The following ABCC9 variants were observed in gnomAD, a reference collection of about 807,000 sequenced individuals.
ABCC9 encodes the protein ATP-binding cassette sub-family C member 9.
A neutral mutation model predicts 188.3 loss-of-function variants in ABCC9; 95 were observed. That is an observed-to-expected ratio of 0.50 (90% CI 0.43 to 0.60). The LOEUF is 0.60. Among genes scored for constraint, ABCC9 ranks in the 20% least tolerant of loss-of-function variants. The probability of loss-of-function intolerance (pLI) is 0.00; values close to 1 mark genes in which losing one functional copy is unlikely to be tolerated. For synonymous variants in ABCC9, 659 were observed against 652.7 expected, an observed-to-expected ratio of 1.01 and a Z score of -0.15; for missense variants, 1,102 against 1,876.3, an observed-to-expected ratio of 0.59 and a Z score of 7.62.
chr12:21,862,172 A>C (rs1945549547), intron 20 of ABCC9, among the ~76,000 whole-genome samples: 1 of 151,992 alleles, frequency 6.6e-6, no homozygotes, highest in Non-Finnish European at 1.5e-5. Flanking sequence ...CACACACTGC[A>C]TGCCTGGATA....
At position 21,827,044 on chromosome 12, in the gene ABCC9, T is replaced by C. The variant is rs949089297; in HGVS notation, c.3669+1914A>G. On this transcript the variant is annotated intron_variant, in intron 31 of 39. Coordinates refer to ENST00000261200, the MANE Select transcript of ABCC9 (RefSeq NM_020297.4). ...CTGTTTCAGGTGTCAGTATTTTGTT[T>C]TTTGCAGGTGGAATTCAAGATACAG... is the stretch of plus-strand genomic sequence containing the variant. 3.3e-6 allele frequency: 3 copies of C among 919,884 alleles called. No homozygotes were observed. The African/African-American group carries it at 5.4e-5, about 16-fold the overall frequency. 57.0% of individuals were successfully genotyped at this position (919,884 alleles called of 1,614,324 possible). A position where few individuals can be genotyped will look rare whatever the true frequency, so the allele number is the denominator to read the frequency against.
In ABCC9 at chr12:21,806,080, T is replaced by C; in HGVS notation, c.4450-20A>G. The C allele has an allele frequency of 6.3e-7, 1 of 1,591,870 alleles. No homozygotes were observed. Among genetic ancestry groups the C allele is most frequent in the Non-Finnish European group, 8.6e-7 (1 of 1,161,318 alleles). On this transcript the variant is annotated intron_variant, in intron 38 of 39. Transcript: ENST00000261200. The stretch of plus-strand genomic sequence containing the variant: ...ATTCTCCTGCAAAAAAAAAAAAGTG[T>C]AAATTTTCTCGGGATTACTTTGTCA...
chr12:21,913,079 AAAAG>A lies in ABCC9; in HGVS notation c.817-17_817-14del, dbSNP rs1244190227. 5 of 1,594,058 alleles carry A rather than the reference AAAAG, an allele frequency of 3.1e-6. No individual in the cohort carries two copies. The highest frequency in any genetic ancestry group is 1.8e-5 in the Admixed American group (1 of 55,722). ...CTGCAACTTTTTTCTGAAGAAAAAA[AAAAG>A]AAAAAAAAAACAGATGTAACAAAAT... On this transcript the variant is annotated splice_polypyrimidine_tract_variant and intron_variant, in intron 7 of 39. Transcript: ENST00000261200.
intron 37 of ABCC9, 55 bp downstream of exon 37, chr12:21,809,797 A>G (rs1400029739): frequency 1.0e-6 from 1 of 1,000,746 alleles, no homozygotes; most frequent in Non-Finnish European, 1.6e-6. Context: ...GTAGATAGAC[A>G]TATGTAGGAT....
chr12:21,894,776 A>T (rs1947321439), intron 13 of ABCC9, among the ~76,000 whole-genome samples: 1 of 152,108 alleles, frequency 6.6e-6, no homozygotes, highest in Non-Finnish European at 1.5e-5. Context: ...ATGCTCAGCT[A>T]ATTACATTTC....
At chr12:21,913,088 A>G (rs1000318966) in intron 7 of ABCC9, 22 bp from the exon 8 acceptor site, 1 of 1,588,866 alleles carries the variant, frequency 6.3e-7, no homozygotes, top group Non-Finnish European at 8.5e-7. Context: ...AAAAAGAAAA[A>G]AAAAACAGAT....
chr12:21,845,294 A>C (rs1484988576), intron 26 of ABCC9, among the ~76,000 whole-genome samples: 2 of 152,156 alleles, frequency 1.3e-5, no homozygotes, highest in Non-Finnish European at 2.9e-5. Context: ...GAACAAATAC[A>C]AAAAGGTCCT....
intron 18 of ABCC9, among the ~76,000 whole-genome samples, chr12:21,871,009 C>T (rs1946045266): frequency 6.6e-6 from 1 of 152,174 alleles, no homozygotes; most frequent in African/African-American, 2.4e-5. Flanking sequence ...ACACTTGGAA[C>T]AGGCCAGATT....
chr12:21,835,276 G>A (rs1001057360), intron 30 of ABCC9, among the ~76,000 whole-genome samples: 2 of 152,196 alleles, frequency 1.3e-5, no homozygotes, highest in African/African-American at 2.4e-5. Context: ...CACCTAGTAT[G>A]TAACTGACTC....
intron 6 of ABCC9, among the ~76,000 whole-genome samples, 154 bp from the exon 7 acceptor site, chr12:21,916,064 A>G (rs918760997): frequency 6.6e-5 from 10 of 152,160 alleles, no homozygotes; most frequent in African/African-American, 2.2e-4. Context: ...ATTCTTTGAG[A>G]TATTTCCTTC....
intron 18 of ABCC9, 27 bp downstream of exon 18, chr12:21,872,598 A>G (rs372334908): frequency 1.8e-5 from 27 of 1,530,030 alleles, no homozygotes; most frequent in Middle Eastern, 1.7e-4. Context: ...TGACATAGCA[A>G]TGGAAGCCAA....
rs971418333 is a variant in ABCC9 at position 21,875,532 on chromosome 12, A to G, written c.2092+122T>C. ...GTGGCTCGCAAGCACAATAGTGCAA[A>G]TAGGTAATCATAAATAATATTTATG... On this transcript the variant is annotated intron_variant, in intron 17 of 39. Coordinates refer to ENST00000261200, the MANE Select transcript of ABCC9 (RefSeq NM_020297.4). 75 of 734,170 alleles carry G rather than the reference A, an allele frequency of 1.0e-4. No individual in the cohort carries two copies. In the African/African-American group the frequency reaches 1.1e-3, roughly 10 times the overall value. The allele number at this position is 734,170 out of a possible 1,614,324, so 45.5% of individuals were successfully genotyped here.
chr12:21,898,134 G>C (rs1947515137), intron 12 of ABCC9, among the ~76,000 whole-genome samples: 1 of 152,128 alleles, frequency 6.6e-6, no homozygotes, highest in African/African-American at 2.4e-5. Flanking sequence ...CTCTGGCCTG[G>C]GTGATAGAGT....
intron 16 of ABCC9, among the ~76,000 whole-genome samples, chr12:21,878,800 T>G (rs117587749): frequency 0.012 from 1,882 of 152,210 alleles, 13 homozygotes; most frequent in Non-Finnish European, 0.019. Context: ...ACAACATCCA[T>G]ACAAGAAAGA....
chr12:21,938,873 A>G (rs1298031367), intron 2 of ABCC9, among the ~76,000 whole-genome samples: 4 of 152,242 alleles, frequency 2.6e-5, no homozygotes, highest in African/African-American at 7.2e-5. Context: ...GAGAAGTACA[A>G]TCACCTGAAA....
chr12:21,805,413 A>C (rs1342209442), intron 39 of ABCC9: 1 of 1,119,772 alleles, frequency 8.9e-7, no homozygotes, highest in Non-Finnish European at 1.3e-6. Context: ...AAATATGAGC[A>C]AGAATCCACT....
chr12:21,914,453 A>G (rs1050130890), intron 7 of ABCC9, among the ~76,000 whole-genome samples: 4 of 152,196 alleles, frequency 2.6e-5, no homozygotes, highest in African/African-American at 9.6e-5. Context: ...TGATACATGG[A>G]AGAGGAAGAC....
intron 5 of ABCC9, among the ~76,000 whole-genome samples, chr12:21,922,750 TC>T (rs757943880): frequency 3.1e-5 from 4 of 130,670 alleles, no homozygotes; most frequent in East Asian, 2.4e-4. Flanking sequence ...TTTTTTTTTT[TC>T]TTTTTTTTTT....
rs1244843688 is a variant in ABCC9, at chr12:21,800,381, G to T, written c.*663C>A. On this transcript the variant is annotated 3_prime_UTR_variant, in exon 40 of 40. Coordinates refer to ENST00000261200, the MANE Select transcript of ABCC9 (RefSeq NM_020297.4). ...TATCTTAAGAATTCTCTCTTTACAG[G>T]ACAGGAAAAAATGAAAATTCGAGTA... 2 of 152,178 alleles carry T rather than the reference G, an allele frequency of 1.3e-5. No homozygotes were observed. The highest frequency in any genetic ancestry group is 2.9e-5 in the Non-Finnish European group (2 of 68,118). 9.4% of individuals were successfully genotyped at this position (152,178 alleles called of 1,614,324 possible).
Sources: gnomAD v4.1 joint callset for allele counts (sites outside exome capture counted in the v4.1 genomes callset) on GRCh38, gnomAD v4.1.1 for gene constraint, MANE v1.5 for transcripts, NCBI Gene and HGNC (gene_info 2026-07-23, HGNC 2026-07-21) for gene names.